Variants in WFDC8 observed in about 807,000 individuals in gnomAD.
The protein encoded by WFDC8 is WAP four-disulfide core domain 8.
In WFDC8, 24 loss-of-function variants were observed where a neutral mutation model predicts 27.0. The observed-to-expected ratio is 0.89, with a 90% confidence interval of 0.64 to 1.25. The LOEUF is 1.25. WFDC8 is among the 50% of genes most tolerant of loss of function. The pLI, the probability that WFDC8 is intolerant of heterozygous loss-of-function variation, is 0.00. For synonymous variants in WFDC8, 106 were observed against 99.7 expected, an observed-to-expected ratio of 1.06 and a Z score of -0.38; for missense variants, 287 against 295.9, an observed-to-expected ratio of 0.97 and a Z score of 0.22.
At chr20:45,567,416 TTACA>T (rs1298368933) in intron 1 of WFDC8, among the ~76,000 whole-genome samples, 3 of 152,202 alleles carry the variant, frequency 2.0e-5, no homozygotes, top group African/African-American at 7.2e-5. Context: ...ATTAACACGC[TTACA>T]TACACAGATA....
At chr20:45,555,650 T>A (rs1980212397) in intron 4 of WFDC8, 51 bp downstream of exon 4, 1 of 1,596,478 alleles carries the variant, frequency 6.3e-7, no homozygotes, top group African/African-American at 1.3e-5. Flanking sequence ...CTCATTGGTA[T>A]ACTATTTCTA....
intron 1 of WFDC8, among the ~76,000 whole-genome samples, chr20:45,566,469 T>C (rs1980680977): frequency 6.6e-6 from 1 of 152,116 alleles, no homozygotes; most frequent in East Asian, 1.9e-4. Context: ...CAAGACCAGC[T>C]TACCCAACAT....
At chr20:45,573,855 C>G (rs1329959500) in intron 1 of WFDC8, among the ~76,000 whole-genome samples, 1 of 152,112 alleles carries the variant, frequency 6.6e-6, no homozygotes, top group East Asian at 1.9e-4. Flanking sequence ...TCTGGGCTTT[C>G]TATTCTGTTC....
At chr20:45,560,858 T>C (rs6032322) in intron 2 of WFDC8, among the ~76,000 whole-genome samples, 58,744 of 152,050 alleles carry the variant, frequency 0.39, 11,830 homozygotes, top group Non-Finnish European at 0.43. Context: ...AAATCATCTA[T>C]GCATCTTTCA....
chr20:45,552,167 T>C lies in WFDC8; in HGVS notation c.587-2A>G, dbSNP rs1298834075. On this transcript the variant is annotated splice_acceptor_variant, in intron 5 of 5. Transcript: ENST00000289953. LOFTEE classifies it high-confidence loss of function. The stretch of plus-strand genomic sequence containing the variant: ...TGCGTGGGCAGAAACCTTTTTTGAC[T>C]TTATGGGGTAAAAGAAAACACTTGA... 1 of 1,613,056 alleles carries C rather than the reference T, an allele frequency of 6.2e-7. No homozygotes were observed. The highest frequency in any genetic ancestry group is 1.3e-5 in the African/African-American group (1 of 75,016).
intron 3 of WFDC8, among the ~76,000 whole-genome samples, chr20:45,557,191 A>G (rs1980293061): frequency 1.3e-5 from 2 of 152,184 alleles, no homozygotes; most frequent in Non-Finnish European, 2.9e-5. Context: ...TTCATCCACC[A>G]TGTTCACCTG....
intron 5 of WFDC8, 48 bp downstream of exon 5, chr20:45,553,088 C>A (rs1980099507): frequency 6.3e-7 from 1 of 1,578,830 alleles, no homozygotes; most frequent in East Asian, 2.2e-5. Context: ...AGCATGACAT[C>A]CTTGGCACAT....
chr20:45,577,942 G>A (rs1981101788), intron 1 of WFDC8, among the ~76,000 whole-genome samples: 2 of 149,662 alleles, frequency 1.3e-5, no homozygotes. Context: ...AGAAGGTGGA[G>A]GTTGCAGAGA....
chr20:45,557,596 C>G (rs1980309116), intron 3 of WFDC8, among the ~76,000 whole-genome samples: 1 of 152,018 alleles, frequency 6.6e-6, no homozygotes, highest in Non-Finnish European at 1.5e-5. Flanking sequence ...ACATGCCCAG[C>G]TAATTTTTGT....
chr20:45,556,818 C>A (rs1255233378), intron 3 of WFDC8, among the ~76,000 whole-genome samples: 1 of 152,140 alleles, frequency 6.6e-6, no homozygotes, highest in Non-Finnish European at 1.5e-5. Context: ...TTGTGACGTG[C>A]AATGAAAAGT....
At chr20:45,554,959 G>A (rs753565088) in intron 4 of WFDC8, among the ~76,000 whole-genome samples, 12 of 152,216 alleles carry the variant, frequency 7.9e-5, no homozygotes, top group Non-Finnish European at 1.6e-4. Context: ...TCACACAGTT[G>A]TGAAGATCAC....
At chr20:45,565,662 A>G (rs1980651620) in intron 1 of WFDC8, among the ~76,000 whole-genome samples, 1 of 152,228 alleles carries the variant, frequency 6.6e-6, no homozygotes, top group African/African-American at 2.4e-5. Context: ...AAGTGTGAGT[A>G]AGAAATACCA....
intron 1 of WFDC8, among the ~76,000 whole-genome samples, chr20:45,571,467 T>A (rs1250176476): frequency 3.3e-5 from 5 of 152,204 alleles, no homozygotes; most frequent in African/African-American, 1.2e-4. Context: ...TCACCTCAGA[T>A]ACTTATCATT....
intron 2 of WFDC8, chr20:45,559,792 C>T (rs1980401102): frequency 6.6e-6 from 1 of 152,306 alleles, no homozygotes; most frequent in African/African-American, 2.4e-5. Context: ...GTCAGTCTCC[C>T]ATCCAAGTAC....
chr20:45,575,359 G>A (rs905894465), intron 1 of WFDC8, among the ~76,000 whole-genome samples: 7 of 151,796 alleles, frequency 4.6e-5, no homozygotes, highest in East Asian at 3.9e-4. Context: ...AAAAATCAGC[G>A]GCATTTCTAT....
intron 5 of WFDC8, 134 bp from the exon 6 acceptor site, chr20:45,552,299 T>C (rs1178661553): frequency 2.9e-6 from 3 of 1,044,290 alleles, no homozygotes; most frequent in African/African-American, 1.6e-5. Context: ...ACAGTAACAA[T>C]AGACTGGAGG....
intron 3 of WFDC8, 141 bp from the exon 4 acceptor site, chr20:45,556,009 G>A: frequency 3.8e-6 from 3 of 780,858 alleles, no homozygotes; most frequent in Non-Finnish European, 6.0e-6. Context: ...AAAAGGCATA[G>A]GTTCTGGTCC....
chr20:45,568,807 TA>T, intron 1 of WFDC8: 1 of 395,324 alleles, frequency 2.5e-6, no homozygotes, highest in African/African-American at 2.0e-5. Context: ...CACAAAGACA[TA>T]ATAGGATAGT....
chr20:45,553,571 T>TAAG (rs1357742446), intron 4 of WFDC8, among the ~76,000 whole-genome samples: 4 of 152,222 alleles, frequency 2.6e-5, no homozygotes, highest in Non-Finnish European at 4.4e-5. Flanking sequence ...CAAATCAGTG[T>TAAG]AAGCCATTTT....
Sources: allele counts gnomAD v4.1 joint callset (sites outside exome capture counted in the v4.1 genomes callset), GRCh38; gene constraint gnomAD v4.1.1; transcripts MANE v1.5; gene names NCBI Gene and HGNC (gene_info 2026-07-23, HGNC 2026-07-21).